Variants in SPDYE3 observed in about 807,000 individuals in gnomAD.
The protein encoded by SPDYE3 is speedy protein E3.
In SPDYE3, 15 loss-of-function variants were observed where a neutral mutation model predicts 55.0. The ratio of observed to expected loss-of-function variants is 0.27; its 90% confidence interval spans 0.18 to 0.42. SPDYE3 has a LOEUF of 0.42. Among genes scored for constraint, SPDYE3 ranks in the 10% least tolerant of loss-of-function variants. The pLI is 1.00. For missense variants in SPDYE3, 236 were observed against 576.7 expected (o/e 0.41, Z 6.05); for synonymous variants, 89 against 229.9 (o/e 0.39, Z 5.55).
chr7:100,307,852 C>T lies in SPDYE3; in HGVS notation c.-34C>T, dbSNP rs28680963. On this transcript the variant is annotated 5_prime_UTR_variant, in exon 1 of 11. Coordinates refer to ENST00000332397, the MANE Select transcript of SPDYE3 (RefSeq NM_001004351.5). The stretch of plus-strand genomic sequence containing the variant: ...AGACCAAGGACAGAACAGAGACTAG[C>T]TTCGGTGAGATTGGACAGATTTTGG... The T allele has an allele frequency of 1.4e-5, 21 of 1,547,706 alleles. No individual in the cohort carries two copies. Among genetic ancestry groups the T allele is most frequent in the Middle Eastern group, 2.3e-4 (1 of 4,368 alleles).
At chr7:100,315,466 A>C (rs1405072070) in intron 6 of SPDYE3, among the ~76,000 whole-genome samples, 1 of 152,082 alleles carries the variant, frequency 6.6e-6, no homozygotes, top group Non-Finnish European at 1.5e-5. Flanking sequence ...TGACTGTCTC[A>C]TGAGGAAATG....
intron 7 of SPDYE3, 133 bp from the exon 8 acceptor site, chr7:100,316,937 A>G (rs1422014308): frequency 9.6e-6 from 12 of 1,248,222 alleles, no homozygotes; most frequent in Non-Finnish European, 1.4e-5. Flanking sequence ...TTTCCACATG[A>G]GCACAGTCAC....
chr7:100,320,652 T>C, intron 10 of SPDYE3: 2 of 1,069,690 alleles, frequency 1.9e-6, no homozygotes, highest in Non-Finnish European at 2.4e-6. Context: ...GTCCTCGCTA[T>C]GAAGCAGATC....
intron 8 of SPDYE3, among the ~76,000 whole-genome samples, chr7:100,318,508 T>C (rs1487942948): frequency 6.6e-6 from 1 of 152,212 alleles, no homozygotes; most frequent in Non-Finnish European, 1.5e-5. Flanking sequence ...CACATGTGGT[T>C]CTGAAGGGAA....
At chr7:100,315,171 C>T (rs1806069581) in intron 6 of SPDYE3, among the ~76,000 whole-genome samples, 1 of 151,850 alleles carries the variant, frequency 6.6e-6, no homozygotes, top group South Asian at 2.1e-4. Flanking sequence ...TCCAGCTACT[C>T]GGGAGGCTGA....
rs577036288 is a variant in SPDYE3, at chr7:100,319,660, G to A, written c.1442G>A (p.Arg481His). 7.4e-6 allele frequency: 12 copies of A among 1,614,176 alleles called. No homozygotes were observed. The highest frequency in any genetic ancestry group is 1.6e-4 in the Middle Eastern group (1 of 6,062). Residue 481 changes from arginine to histidine, a missense_variant, in exon 9 of 11, where the codon CGC becomes CAC. Coordinates refer to ENST00000332397, the MANE Select transcript of SPDYE3 (RefSeq NM_001004351.5). ...YGKTHSHIPL[R>H]PKHWFQLCRP... ...AAGACCCACTCTCACATACCCTTGC[G>A]CCCTAAGCATTGGTTCCAGTTATGC...
Position 100,321,286 on chromosome 7 carries a change from A to G in SPDYE3, c.*441A>G, listed in dbSNP as rs1012023490. The G allele has an allele frequency of 2.8e-6, 1 of 354,904 alleles. No individual in the cohort carries two copies. The highest frequency in any genetic ancestry group is 5.6e-6 in the Non-Finnish European group (1 of 179,012). The allele number at this position is 354,904 out of a possible 1,614,324, so 22.0% of individuals were successfully genotyped here. A position where few individuals can be genotyped will look rare whatever the true frequency, so the allele number is the denominator to read the frequency against. ...ATTGGCACAGAATTCTTTGTGAAAT[A>G]TGAGTGCCACAGACTGTAACAGATA... On this transcript the variant is annotated 3_prime_UTR_variant, in exon 11 of 11. Coordinates refer to ENST00000332397, the MANE Select transcript of SPDYE3 (RefSeq NM_001004351.5).
intron 6 of SPDYE3, among the ~76,000 whole-genome samples, chr7:100,315,513 G>A (rs1005724568): frequency 2.0e-5 from 3 of 152,064 alleles, no homozygotes; most frequent in South Asian, 2.1e-4. Flanking sequence ...TGGTCCCTCC[G>A]TGTCTGCTGG....
At chr7:100,315,618 CCT>C (rs1806084509) in intron 6 of SPDYE3, among the ~76,000 whole-genome samples, 165 bp from the exon 7 acceptor site, 1 of 152,126 alleles carries the variant, frequency 6.6e-6, no homozygotes, top group Non-Finnish European at 1.5e-5. Context: ...AGAGCAGGAG[CCT>C]CTCTCCCTTG....
rs367791176 is a variant in SPDYE3 at position 100,315,859 on chromosome 7, A to T, written c.1260+16A>T. The T allele has an allele frequency of 1.3e-6, 2 of 1,599,598 alleles. No individual in the cohort carries two copies. Among genetic ancestry groups the T allele is most frequent in the African/African-American group, 2.7e-5 (2 of 74,832 alleles). On this transcript the variant is annotated intron_variant, in intron 7 of 10. Transcript: ENST00000332397. ...GTCAGACAAGGTAAGGTTGTTCTCT[A>T]TGTAACTGTGTTCCTGTTCTAACGC...
intron 10 of SPDYE3, chr7:100,320,470 T>C (rs564173982): frequency 1.4e-5 from 14 of 997,076 alleles, no homozygotes; most frequent in South Asian, 8.4e-5. Context: ...CATGAGGAGG[T>C]AGGATTATGG....
chr7:100,320,578 C>A, intron 10 of SPDYE3: 1 of 984,714 alleles, frequency 1.0e-6, no homozygotes, highest in Non-Finnish European at 1.3e-6. Context: ...AAGACCCTAG[C>A]TGTGATGAAG....
rs1223576972 is a variant in SPDYE3 at position 100,319,663 on chromosome 7, C to G, written c.1445C>G (p.Pro482Arg). ...GKTHSHIPLR[P>R]KHWFQLCRPM... ...ACCCACTCTCACATACCCTTGCGCC[C>G]TAAGCATTGGTTCCAGTTATGCCGT... Residue 482 changes from proline to arginine, a missense_variant, in exon 9 of 11, where the codon CCT (proline) becomes CGT (arginine). Physicochemically the swap from Pro to Arg is moderately radical, Grantham distance 103. Transcript: ENST00000332397. 1 of 1,614,242 alleles carries G rather than the reference C, an allele frequency of 6.2e-7. No individual in the cohort carries two copies. Among genetic ancestry groups the G allele is most frequent in the Non-Finnish European group, 8.5e-7 (1 of 1,180,040 alleles).
At chr7:100,318,719 C>T (rs1465170078) in intron 8 of SPDYE3, among the ~76,000 whole-genome samples, 1 of 83,242 alleles carries the variant, frequency 1.2e-5, no homozygotes, top group Non-Finnish European at 2.2e-5. Context: ...TCAATGTATT[C>T]AATTGCTTTT....
chr7:100,308,530 G>A (rs1448111739), intron 1 of SPDYE3, among the ~76,000 whole-genome samples: 14 of 151,670 alleles, frequency 9.2e-5, no homozygotes, highest in African/African-American at 2.7e-4. Context: ...CCAACATGGC[G>A]AAACCCCGTC....
chr7:100,317,519 C>A (rs1806132413), intron 8 of SPDYE3, among the ~76,000 whole-genome samples: 1 of 151,654 alleles, frequency 6.6e-6, no homozygotes, highest in Non-Finnish European at 1.5e-5. Context: ...GCATGAGAAC[C>A]CCTTGAACCC....
intron 8 of SPDYE3, among the ~76,000 whole-genome samples, chr7:100,317,627 A>C (rs1312042614): frequency 6.6e-6 from 1 of 151,124 alleles, no homozygotes; most frequent in East Asian, 1.9e-4. Context: ...CCAAAAAAAA[A>C]AAAACAGGCA....
intron 2 of SPDYE3, 140 bp from the exon 3 acceptor site, chr7:100,310,217 AGAG>A (rs1396167488): frequency 1.8e-6 from 1 of 542,078 alleles, no homozygotes; most frequent in Non-Finnish European, 3.3e-6. Flanking sequence ...GGGGTTGAGC[AGAG>A]GAGAAAGTCA....
chr7:100,307,919 C>G lies in SPDYE3; in HGVS notation c.34C>G (p.Gln12Glu), dbSNP rs780115501. The G allele has an allele frequency of 4.4e-5, 69 of 1,585,644 alleles. No homozygotes were observed. The highest frequency in any genetic ancestry group is 5.8e-5 in the Non-Finnish European group (68 of 1,174,248). The change falls in exon 1 of 11, where the codon CAG becomes GAG. Residue 12 changes from glutamine (Q) to glutamate (E), a missense_variant. Transcript: ENST00000332397. Reference protein sequence around the residue: ...TSHQPQPQEEQSPQRSTSGYP... With the variant: ...TSHQPQPQEEESPQRSTSGYP... ...CCATCAACCGCAGCCCCAGGAAGAG[C>G]AGAGCCCCCAGCGGAGCACCTCAGG...
Sources: allele counts gnomAD v4.1 joint callset (sites outside exome capture counted in the v4.1 genomes callset), GRCh38; gene constraint gnomAD v4.1.1; transcripts MANE v1.5; gene names NCBI Gene and HGNC (gene_info 2026-07-23, HGNC 2026-07-21).